Variants in MTMR8 observed in about 807,000 individuals in gnomAD.
The protein encoded by MTMR8 is phosphatidylinositol-3,5-bisphosphate 3-phosphatase MTMR8.
In MTMR8, 65 loss-of-function variants were observed where a neutral mutation model predicts 39.3. That is an observed-to-expected ratio of 1.65 (90% confidence interval 1.35 to 2.03). MTMR8 has a LOEUF of 2.03. Ranked by LOEUF, MTMR8 falls within the 30% of genes most tolerant of loss-of-function variation. MTMR8 has a pLI of 0.00. For missense variants in MTMR8, 777 were observed against 538.9 expected, an observed-to-expected ratio of 1.44 and a Z score of -4.37; for synonymous variants, 245 against 185.2, an observed-to-expected ratio of 1.32 and a Z score of -2.62.
At chrX:64,384,237 T>C (rs781089575) in intron 1 of MTMR8, among the ~76,000 whole-genome samples, 31 of 112,189 alleles carry the variant, frequency 2.8e-4, no homozygotes, top group Admixed American at 6.6e-4. Context: ...TCTGCATCTC[T>C]GCCCCTGTGG....
chrX:64,278,308 C>T (rs376593040), intron 12 of MTMR8, among the ~76,000 whole-genome samples: 3 of 108,659 alleles, frequency 2.8e-5, no homozygotes, highest in South Asian at 4.1e-4. Context: ...GGAAAAGAGG[C>T]GTTCTGGCTT....
chrX:64,314,475 C>T (rs1186452762), intron 12 of MTMR8, among the ~76,000 whole-genome samples: 1 of 112,664 alleles, frequency 8.9e-6, no homozygotes, highest in Admixed American at 9.3e-5. Flanking sequence ...TGTGTCCACC[C>T]TCTGTGCATG....
intron 1 of MTMR8, among the ~76,000 whole-genome samples, chrX:64,364,210 G>C (rs192953595): frequency 7.9e-4 from 89 of 112,672 alleles, no homozygotes; most frequent in African/African-American, 2.6e-3. Context: ...AAATGTCCCT[G>C]TCTGACAGCT....
intron 1 of MTMR8, among the ~76,000 whole-genome samples, chrX:64,361,823 A>T (rs189871508): frequency 9.0e-6 from 1 of 111,041 alleles, no homozygotes; most frequent in Non-Finnish European, 1.9e-5. Flanking sequence ...CTGGCTAAAT[A>T]CTATGAGGAA....
chrX:64,301,329 G>C (rs1475745785), intron 12 of MTMR8, among the ~76,000 whole-genome samples: 1 of 103,950 alleles, frequency 9.6e-6, no homozygotes, highest in Non-Finnish European at 2.0e-5. Context: ...CATTCATTTC[G>C]TCTTCCATTG....
In MTMR8 at chrX:64,378,058, G is replaced by A. The variant is rs772540990; in HGVS notation, c.24+17282C>T. Among the ~76,000 whole-genome samples the A allele has an allele frequency of 7.2e-5, 8 of 111,811 alleles. No individual in the cohort carries two copies. In the East Asian group the frequency reaches 2.0e-3, roughly 28 times the overall value. On this transcript the variant is annotated intron_variant, in intron 1 of 13. Transcript: ENST00000374852. ...CTTCTGCCATGACTGTAAATTTCCT[G>A]AGTCCTTCCCAGCCATGTTTCTTGT...
intron 12 of MTMR8, among the ~76,000 whole-genome samples, chrX:64,284,861 T>C (rs1031643777): frequency 7.1e-5 from 8 of 112,124 alleles, no homozygotes; most frequent in Non-Finnish European, 1.5e-4. Flanking sequence ...TACCAGCCAC[T>C]GCAAAAACAG....
intron 13 of MTMR8, among the ~76,000 whole-genome samples, chrX:64,269,818 A>T (rs1434042223): frequency 9.0e-6 from 1 of 111,692 alleles, no homozygotes; most frequent in Non-Finnish European, 1.9e-5. Context: ...TGTCTGGGTG[A>T]TATTATCAGC....
chrX:64,306,465 C>T (rs943006648), intron 12 of MTMR8: 2 of 146,127 alleles, frequency 1.4e-5, no homozygotes, highest in African/African-American at 3.2e-5. Context: ...CCTAGCAGCC[C>T]GAACTGCATT....
chrX:64,307,667 A>G (rs755723663), intron 12 of MTMR8, among the ~76,000 whole-genome samples: 1 of 111,668 alleles, frequency 9.0e-6, no homozygotes. Flanking sequence ...AAATTGTCTT[A>G]GCTATTCTAC....
chrX:64,356,447 T>A, intron 2 of MTMR8, 109 bp from the exon 3 acceptor site: 1 of 676,225 alleles, frequency 1.5e-6, no homozygotes, highest in African/African-American at 2.2e-5. Context: ...ATCTGTAGGC[T>A]ACATCTACAG....
At chrX:64,279,060 G>T (rs1931947939) in intron 12 of MTMR8, among the ~76,000 whole-genome samples, 1 of 111,744 alleles carries the variant, frequency 8.9e-6, no homozygotes, top group South Asian at 3.7e-4. Flanking sequence ...GGACCCACCT[G>T]AGGAAGCAGT....
intron 12 of MTMR8, among the ~76,000 whole-genome samples, chrX:64,319,275 CA>C (rs751176642): frequency 8.9e-5 from 10 of 112,124 alleles, no homozygotes; most frequent in Middle Eastern, 4.6e-3. Context: ...CTACAAAAAC[CA>C]GGGAAATGCT....
chrX:64,378,003 C>G (rs1327971223), intron 1 of MTMR8, among the ~76,000 whole-genome samples: 1 of 111,653 alleles, frequency 9.0e-6, no homozygotes, highest in Non-Finnish European at 1.9e-5. Context: ...CTTACTCTGC[C>G]ATGTGAAGAT....
intron 10 of MTMR8, among the ~76,000 whole-genome samples, chrX:64,334,758 A>T (rs1923032720): frequency 9.0e-6 from 1 of 110,591 alleles, no homozygotes; most frequent in African/African-American, 3.3e-5. Flanking sequence ...TCAGGGCTAG[A>T]ATGCTTTCTC....
intron 6 of MTMR8, among the ~76,000 whole-genome samples, chrX:64,347,089 C>T (rs1365108876): frequency 9.0e-6 from 1 of 110,903 alleles, no homozygotes; most frequent in African/African-American, 3.3e-5. Flanking sequence ...CAGGATTTGA[C>T]CTCAGGTTTG....
rs1171470145 is a variant in MTMR8, at chrX:64,321,588, A to T, written c.1481+7184T>A. Among the ~76,000 whole-genome samples, 8 of 111,917 alleles carry T rather than the reference A, an allele frequency of 7.1e-5. No individual in the cohort carries two copies. In the East Asian group the frequency reaches 2.2e-3, roughly 31 times the overall value. Reference sequence around the variant, plus strand: ...AAAGAGCCTCAGGGTCCTGTAGAAGATTAGTAAGCAGACCAATAAGTGCAC... The same window carrying T: ...AAAGAGCCTCAGGGTCCTGTAGAAGTTTAGTAAGCAGACCAATAAGTGCAC... On this transcript the variant is annotated intron_variant, in intron 12 of 13. Coordinates refer to ENST00000374852, the MANE Select transcript of MTMR8 (RefSeq NM_017677.4).
chrX:64,362,279 T>C (rs1569228488), intron 1 of MTMR8, among the ~76,000 whole-genome samples: 1 of 106,842 alleles, frequency 9.4e-6, no homozygotes, highest in African/African-American at 3.4e-5. Flanking sequence ...ATTTCAATCA[T>C]ATTTCAAAGT....
At chrX:64,372,763 C>T (rs1199201966) in intron 1 of MTMR8, among the ~76,000 whole-genome samples, 5 of 111,856 alleles carry the variant, frequency 4.5e-5, no homozygotes, top group Non-Finnish European at 9.4e-5. Flanking sequence ...CAGTTTGGGG[C>T]TATTATGAAT....
Sources: gnomAD v4.1 joint callset for allele counts (sites outside exome capture counted in the v4.1 genomes callset) on GRCh38, gnomAD v4.1.1 for gene constraint, MANE v1.5 for transcripts, NCBI Gene and HGNC (gene_info 2026-07-23, HGNC 2026-07-21) for gene names.